Variants in PDE4D observed in about 807,000 individuals in gnomAD.
PDE4D encodes phosphodiesterase 4D.
A neutral mutation model predicts 87.4 loss-of-function variants in PDE4D; 24 were observed. The observed-to-expected ratio is 0.27, with a 90% CI of 0.20 to 0.39. The LOEUF is 0.39. Among genes scored for constraint, PDE4D ranks in the 10% least tolerant of loss-of-function variants. The pLI is 1.00. For synonymous variants in PDE4D, 384 were observed against 383.2 expected (o/e 1.00, Z -0.02); for missense variants, 714 against 1,041.0 (o/e 0.69, Z 4.32).
chr5:60,038,803 A>T (rs565205407), intron 2 of PDE4D, among the ~76,000 whole-genome samples: 15 of 151,804 alleles, frequency 9.9e-5, no homozygotes, highest in Non-Finnish European at 1.6e-4. Flanking sequence ...TCTCAAAAGA[A>T]GACATTTATG....
chr5:59,575,637 C>A (rs1223531764), intron 1 of PDE4D, among the ~76,000 whole-genome samples: 1 of 152,084 alleles, frequency 6.6e-6, no homozygotes, highest in Non-Finnish European at 1.5e-5. Flanking sequence ...TATCTATCCC[C>A]CCAAAAACAT....
At chr5:59,555,389 T>G (rs990249716) in intron 1 of PDE4D, among the ~76,000 whole-genome samples, 2 of 151,982 alleles carry the variant, frequency 1.3e-5, no homozygotes, top group Non-Finnish European at 2.9e-5. Flanking sequence ...AAATAACTAT[T>G]GGGTAGTAGG....
intron 1 of PDE4D, among the ~76,000 whole-genome samples, chr5:60,238,904 GT>G (rs1328068805): frequency 6.6e-6 from 1 of 151,782 alleles, no homozygotes; most frequent in Non-Finnish European, 1.5e-5. Flanking sequence ...TATGCCTGAG[GT>G]TGCAATTTTT....
At chr5:60,338,738 A>G (rs1449893946) in intron 1 of PDE4D, among the ~76,000 whole-genome samples, 1 of 151,982 alleles carries the variant, frequency 6.6e-6, no homozygotes, top group Non-Finnish European at 1.5e-5. Context: ...CAATTTGAAT[A>G]TCCCTAAAGT....
chr5:59,639,758 G>A (rs1456061167), intron 1 of PDE4D, among the ~76,000 whole-genome samples: 9 of 151,256 alleles, frequency 6.0e-5, no homozygotes, highest in East Asian at 3.9e-4. Context: ...AAATCAATTT[G>A]GTTTTACAGG....
At chr5:59,768,476 C>G (rs1763086798) in intron 1 of PDE4D, 3 of 1,598,290 alleles carry the variant, frequency 1.9e-6, no homozygotes, top group African/African-American at 2.7e-5. Flanking sequence ...ACTTCAGGTA[C>G]TGTTAAAGTG....
chr5:59,024,709 A>G (rs1319207332), intron 6 of PDE4D, among the ~76,000 whole-genome samples: 1 of 152,220 alleles, frequency 6.6e-6, no homozygotes, highest in Non-Finnish European at 1.5e-5. Flanking sequence ...CTGATGTACA[A>G]TAAATAAACA....
chr5:59,383,586 T>A (rs1031188165), intron 1 of PDE4D, among the ~76,000 whole-genome samples: 4 of 152,082 alleles, frequency 2.6e-5, no homozygotes, highest in Non-Finnish European at 5.9e-5. Flanking sequence ...CCACTCCATA[T>A]AAGCTACACA....
intron 1 of PDE4D, among the ~76,000 whole-genome samples, chr5:59,506,324 T>C (rs1809255694): frequency 6.6e-6 from 1 of 152,216 alleles, no homozygotes; most frequent in African/African-American, 2.4e-5. Flanking sequence ...TTAATTTTAA[T>C]AATTCTTATA....
At chr5:59,358,019 C>A (rs1173316163) in intron 1 of PDE4D, among the ~76,000 whole-genome samples, 2 of 152,188 alleles carry the variant, frequency 1.3e-5, no homozygotes, top group Non-Finnish European at 2.9e-5. Context: ...GTGAACATCA[C>A]CATATCTGCA....
chr5:59,287,317 G>A (rs550244142), intron 1 of PDE4D, among the ~76,000 whole-genome samples: 2 of 151,962 alleles, frequency 1.3e-5, no homozygotes, highest in African/African-American at 4.8e-5. Context: ...CACAGGGAGA[G>A]ACTCCTCTGC....
chr5:59,926,498 T>A lies in PDE4D; in HGVS notation c.272+61990A>T, dbSNP rs1561869435. ...CCAAAAACGAGCAGAAGAAAAGGAATGATCAAGATCAGTGCAGAAGTAAAT... is the reference window on the plus strand; with the variant it reads ...CCAAAAACGAGCAGAAGAAAAGGAAAGATCAAGATCAGTGCAGAAGTAAAT... On this transcript the variant is annotated intron_variant, in intron 3 of 16. Transcript: ENST00000502484. Among the ~76,000 whole-genome samples the A allele has an allele frequency of 3.3e-5, 5 of 152,014 alleles. No homozygotes were observed. In the South Asian group the frequency reaches 6.2e-4, roughly 19 times the overall value.
At position 60,121,052 on chromosome 5, in the gene PDE4D, G is replaced by C. The variant is rs760047743; in HGVS notation, c.42+64505C>G. On this transcript the variant is annotated intron_variant, in intron 2 of 16. Transcript: ENST00000502484. ...CACTCTACATCTTTCTCCCATGCTGGATGCTTCCTGCCCTTGAAAATTGGA... is the reference window on the plus strand; with the variant it reads ...CACTCTACATCTTTCTCCCATGCTGCATGCTTCCTGCCCTTGAAAATTGGA... 5.3e-5 allele frequency among the ~76,000 whole-genome samples: 8 copies of C among 152,194 alleles called. No individual in the cohort carries two copies. In the South Asian group the frequency reaches 6.2e-4, roughly 12 times the overall value.
intron 1 of PDE4D, among the ~76,000 whole-genome samples, chr5:59,580,642 A>G (rs544886440): frequency 1.3e-5 from 2 of 152,114 alleles, no homozygotes; most frequent in South Asian, 4.2e-4. Context: ...TACCTTTAAA[A>G]AAATAGAGAG....
rs1232281143 is a variant in PDE4D, at chr5:59,038,810, T to C, written c.921+49A>G. On this transcript the variant is annotated intron_variant, in intron 6 of 14. Coordinates refer to ENST00000340635, the MANE Select transcript of PDE4D (RefSeq NM_001104631.2). Reference sequence around the variant, plus strand: ...TATGGGTACCAGTGGCTCGCCGGCATGGGAATCAGCAGCCTGGGGGCACCA... The same window carrying C: ...TATGGGTACCAGTGGCTCGCCGGCACGGGAATCAGCAGCCTGGGGGCACCA... 8 of 1,416,126 alleles carry C rather than the reference T, an allele frequency of 5.6e-6. No homozygotes were observed. The East Asian group carries it at 1.7e-4, about 30-fold the overall frequency. The allele number at this position is 1,416,126 out of a possible 1,614,324, so 87.7% of individuals were successfully genotyped here.
At chr5:59,228,007 T>G (rs1754212133) in intron 1 of PDE4D, among the ~76,000 whole-genome samples, 1 of 152,074 alleles carries the variant, frequency 6.6e-6, no homozygotes, top group Non-Finnish European at 1.5e-5. Flanking sequence ...AAACTAAATG[T>G]CCATGAATGA....
intron 2 of PDE4D, among the ~76,000 whole-genome samples, chr5:59,214,076 AC>A (rs1237001995): frequency 3.5e-5 from 5 of 142,598 alleles, no homozygotes; most frequent in African/African-American, 5.3e-5. Context: ...ACACACACAC[AC>A]AACCATTCTA....
Position 59,169,791 on chromosome 5 carries a change from C to T in PDE4D, c.808+10804G>A, listed in dbSNP as rs567875246. On this transcript the variant is annotated intron_variant, in intron 5 of 14. Transcript: ENST00000340635. Reference sequence around the variant, plus strand: ...TATTCCATTATTCTCCCAAATTTGGCCAATCAAGCCCATTCACCTGGGAGT... The same window carrying T: ...TATTCCATTATTCTCCCAAATTTGGTCAATCAAGCCCATTCACCTGGGAGT... Among the ~76,000 whole-genome samples the T allele has an allele frequency of 1.3e-3, 204 of 152,280 alleles. 2 individuals carry two copies. The highest frequency in any genetic ancestry group is 4.7e-3 in the African/African-American group (195 of 41,542).
At chr5:59,313,033 C>T (rs1773002564) in intron 1 of PDE4D, among the ~76,000 whole-genome samples, 1 of 152,070 alleles carries the variant, frequency 6.6e-6, no homozygotes, top group Admixed American at 6.6e-5. Flanking sequence ...CCAAAAGGTC[C>T]CCCAGTTGAA....
Sources: allele counts gnomAD v4.1 joint callset (sites outside exome capture counted in the v4.1 genomes callset), GRCh38; gene constraint gnomAD v4.1.1; transcripts MANE v1.5; gene names NCBI Gene and HGNC (gene_info 2026-07-23, HGNC 2026-07-21).